SEMA5A: variants seen among roughly 807,000 people sequenced by gnomAD.
The protein encoded by SEMA5A is semaphorin-5A.
In SEMA5A, 55 loss-of-function variants were observed where a neutral mutation model predicts 135.5. The ratio of observed to expected loss-of-function variants is 0.41; its 90% CI spans 0.33 to 0.51. The LOEUF (loss-of-function observed/expected upper bound fraction) is 0.51. Among genes scored for constraint, SEMA5A ranks in the 20% least tolerant of loss-of-function variants. The pLI is 0.37. For synonymous variants in SEMA5A, 580 were observed against 546.5 expected, an observed-to-expected ratio of 1.06 and a Z score of -0.85; for missense variants, 1,290 against 1,419.9, an observed-to-expected ratio of 0.91 and a Z score of 1.47.
At chr5:9,234,987 T>C (rs1747822413) in intron 6 of SEMA5A, among the ~76,000 whole-genome samples, 1 of 152,200 alleles carries the variant, frequency 6.6e-6, no homozygotes, top group Non-Finnish European at 1.5e-5. Context: ...AAACAACCAA[T>C]GATCACGGCT....
chr5:9,421,068 T>A (rs1267283283), intron 2 of SEMA5A, among the ~76,000 whole-genome samples: 1 of 152,140 alleles, frequency 6.6e-6, no homozygotes, highest in Non-Finnish European at 1.5e-5. Flanking sequence ...ATCTTCATAC[T>A]TTTGCAAGCT....
intron 3 of SEMA5A, among the ~76,000 whole-genome samples, chr5:9,378,802 A>G (rs1189428637): frequency 5.3e-5 from 8 of 152,330 alleles, no homozygotes; most frequent in Admixed American, 4.6e-4. Context: ...AAGATCTCTC[A>G]ATGCCCTCTG....
intron 1 of SEMA5A, among the ~76,000 whole-genome samples, chr5:9,536,842 T>A (rs959390032): frequency 2.0e-5 from 3 of 152,218 alleles, no homozygotes; most frequent in African/African-American, 7.2e-5. Context: ...TTCTCTTCAC[T>A]GACACTGGCA....
intron 4 of SEMA5A, among the ~76,000 whole-genome samples, chr5:9,328,397 T>C (rs1752970869): frequency 6.6e-6 from 1 of 152,182 alleles, no homozygotes; most frequent in South Asian, 2.1e-4. Flanking sequence ...TGTGAACATA[T>C]AAATGTAGAA....
intron 18 of SEMA5A, among the ~76,000 whole-genome samples, chr5:9,055,799 G>A (rs1486029719): frequency 6.6e-6 from 1 of 151,742 alleles, no homozygotes; most frequent in African/African-American, 2.4e-5. Context: ...ACAGTTAGAG[G>A]AATTGATCAA....
At chr5:9,419,364 T>C (rs1336002873) in intron 2 of SEMA5A, among the ~76,000 whole-genome samples, 1 of 152,160 alleles carries the variant, frequency 6.6e-6, no homozygotes, top group African/African-American at 2.4e-5. Context: ...TGGAGTGTTC[T>C]GTAGATGTCT....
At chr5:9,226,996 AAT>A (rs146979886) in intron 6 of SEMA5A, 29 bp from the exon 7 acceptor site, 1,521 of 1,051,894 alleles carry the variant, frequency 1.4e-3, no homozygotes, top group East Asian at 2.4e-3. Flanking sequence ...ATTAATTAAA[AAT>A]ATATATATAT....
chr5:9,463,859 C>T (rs558241165), intron 1 of SEMA5A, among the ~76,000 whole-genome samples: 42 of 152,310 alleles, frequency 2.8e-4, no homozygotes, highest in Non-Finnish European at 5.0e-4. Context: ...CTCCACACCC[C>T]CCTGAAGGTG....
intron 3 of SEMA5A, among the ~76,000 whole-genome samples, chr5:9,353,265 CA>C (rs1754268956): frequency 2.0e-5 from 1 of 51,242 alleles, no homozygotes; most frequent in Admixed American, 2.8e-4. Flanking sequence ...GGAAGGGAAG[CA>C]AAGGAAAGGA....
At chr5:9,254,154 A>T (rs1306181807) in intron 5 of SEMA5A, among the ~76,000 whole-genome samples, 1 of 152,232 alleles carries the variant, frequency 6.6e-6, no homozygotes, top group African/African-American at 2.4e-5. Flanking sequence ...AATGTATTCA[A>T]CTAATATTTA....
At chr5:9,167,151 T>C (rs148956306) in intron 11 of SEMA5A, among the ~76,000 whole-genome samples, 146 of 152,346 alleles carry the variant, frequency 9.6e-4, no homozygotes, top group African/African-American at 3.4e-3. Flanking sequence ...TTGTCATTTT[T>C]CTCAGTGGCT....
intron 2 of SEMA5A, among the ~76,000 whole-genome samples, chr5:9,384,362 G>T (rs1409794986): frequency 6.6e-6 from 1 of 151,936 alleles, no homozygotes; most frequent in Non-Finnish European, 1.5e-5. Flanking sequence ...CAGCACTATT[G>T]ATATTTTAGT....
Position 9,224,891 on chromosome 5 carries a change from T to G in SEMA5A, c.433-4A>C, listed in dbSNP as rs1561043459. 1 of 1,609,842 alleles carries G rather than the reference T, an allele frequency of 6.2e-7. No individual in the cohort carries two copies. Among genetic ancestry groups the G allele is most frequent in the South Asian group, 1.1e-5 (1 of 90,878 alleles). Reference sequence around the variant, plus strand: ...GGATCTCAGTCAGGTTGCTCAACTGTGGGGGAGGATGAGAGGGAAAGCAGT... The same window carrying G: ...GGATCTCAGTCAGGTTGCTCAACTGGGGGGGAGGATGAGAGGGAAAGCAGT... On this transcript the variant is annotated splice_region_variant and splice_polypyrimidine_tract_variant and intron_variant, in intron 7 of 22. Transcript: ENST00000382496.
At chr5:9,364,457 CAAGGAACATCCTAATA>C (rs1754830870) in intron 3 of SEMA5A, among the ~76,000 whole-genome samples, 2 of 152,090 alleles carry the variant, frequency 1.3e-5, no homozygotes, top group Admixed American at 1.3e-4. Context: ...CTTTTATTCA[CAAGGAACATCCTAATA>C]GGATTTTAAA....
chr5:9,045,136 T>A (rs1561096439), intron 21 of SEMA5A, among the ~76,000 whole-genome samples: 1 of 152,132 alleles, frequency 6.6e-6, no homozygotes, highest in Non-Finnish European at 1.5e-5. Context: ...TCTTTTGGAG[T>A]GACCTTAAAC....
chr5:9,398,981 G>A (rs929923802), intron 2 of SEMA5A, among the ~76,000 whole-genome samples: 10 of 152,224 alleles, frequency 6.6e-5, no homozygotes, highest in African/African-American at 2.2e-4. Flanking sequence ...CAAAGAAAAC[G>A]CCACATTTTT....
chr5:9,449,587 A>G (rs1258726612), intron 1 of SEMA5A, among the ~76,000 whole-genome samples: 1 of 152,172 alleles, frequency 6.6e-6, no homozygotes, highest in Non-Finnish European at 1.5e-5. Flanking sequence ...GTTGAAGGAA[A>G]AAAAAAAAGA....
intron 15 of SEMA5A, among the ~76,000 whole-genome samples, chr5:9,109,437 A>G (rs1260886856): frequency 6.6e-6 from 1 of 152,258 alleles, no homozygotes; most frequent in Non-Finnish European, 1.5e-5. Flanking sequence ...TCTACAGGTT[A>G]CAGCTCATAG....
chr5:9,045,033 C>A (rs1196662352), intron 21 of SEMA5A, among the ~76,000 whole-genome samples: 1 of 152,120 alleles, frequency 6.6e-6, no homozygotes, highest in Non-Finnish European at 1.5e-5. Context: ...GATCTGCCAG[C>A]CTCAGCCTCT....
Sources: allele counts gnomAD v4.1 joint callset (sites outside exome capture counted in the v4.1 genomes callset), GRCh38; gene constraint gnomAD v4.1.1; transcripts MANE v1.5; gene names NCBI Gene and HGNC (gene_info 2026-07-23, HGNC 2026-07-21).